The following FCER1A variants were observed in gnomAD, a reference collection of about 807,000 sequenced individuals.
FCER1A encodes the protein Fc epsilon receptor Ia.
In FCER1A, 24 loss-of-function variants were observed where a neutral mutation model predicts 23.6. That is an observed-to-expected ratio of 1.02 (90% CI 0.74 to 1.43). FCER1A has a LOEUF of 1.43. FCER1A is among the 40% of genes most tolerant of loss of function. FCER1A has a pLI of 0.00. For synonymous variants in FCER1A, 121 were observed against 108.8 expected (o/e 1.11, Z -0.70); for missense variants, 318 against 294.5 (o/e 1.08, Z -0.58).
chr1:159,308,096 AG>A lies in FCER1A; in HGVS notation c.*165del, dbSNP rs1245660802. On this transcript the variant is annotated 3_prime_UTR_variant, in exon 5 of 5. Coordinates refer to ENST00000693622, the MANE Select transcript of FCER1A (RefSeq NM_001387280.1). ...TGAAACTGGTTAAGTGGCATGTAATAGTAAGTGCTCAATTAACATTGGTTGA... is the reference window on the plus strand; with the variant it reads ...TGAAACTGGTTAAGTGGCATGTAATATAAGTGCTCAATTAACATTGGTTGA... The A allele has an allele frequency of 1.4e-5, 7 of 496,296 alleles. No homozygotes were observed. The East Asian group carries it at 2.0e-4, about 14-fold the overall frequency. 30.7% of individuals were successfully genotyped at this position (496,296 alleles called of 1,614,324 possible).
upstream of FCER1A, among the ~76,000 whole-genome samples, chr1:159,301,114 A>C (rs866941552): frequency 6.6e-6 from 1 of 152,200 alleles, no homozygotes; most frequent in Non-Finnish European, 1.5e-5. Context: ...CATTCAATAG[A>C]CTTAATTCAG....
chr1:159,286,221 T>G (rs984111729), upstream of FCER1A, among the ~76,000 whole-genome samples: 5 of 150,264 alleles, frequency 3.3e-5, no homozygotes, highest in African/African-American at 4.9e-5. Flanking sequence ...TAAATAAAAT[T>G]TAAATGCATG....
At chr1:159,306,268 A>G (rs757786090) in intron 4 of FCER1A, 23 bp downstream of exon 4, 3 of 1,608,794 alleles carry the variant, frequency 1.9e-6, no homozygotes, top group Non-Finnish European at 1.7e-6. Flanking sequence ...AGGAAAGGAA[A>G]AGCATCCATA....
chr1:159,296,275 C>T (rs567363206), intron 1 of FCER1A, among the ~76,000 whole-genome samples: 1 of 152,170 alleles, frequency 6.6e-6, no homozygotes, highest in East Asian at 1.9e-4. Context: ...ACCTCTGCTA[C>T]TTACACACAC....
chr1:159,297,874 C>CA (rs1652336018), upstream of FCER1A, among the ~76,000 whole-genome samples: 1 of 151,740 alleles, frequency 6.6e-6, no homozygotes, highest in Admixed American at 6.6e-5. Flanking sequence ...AACCCAGTCT[C>CA]AAAAAAAATT....
intron 1 of FCER1A, 139 bp from the exon 2 acceptor site, chr1:159,302,715 C>T: frequency 1.2e-6 from 1 of 805,682 alleles, no homozygotes; most frequent in Non-Finnish European, 2.1e-6. Flanking sequence ...GCTCTTTCTT[C>T]CCCTGATTCT....
upstream of FCER1A, among the ~76,000 whole-genome samples, chr1:159,299,411 C>A (rs1216351252): frequency 6.6e-6 from 1 of 152,198 alleles, no homozygotes; most frequent in African/African-American, 2.4e-5. Context: ...CTCTGCCAGG[C>A]ACGTCCCGAA....
At chr1:159,299,067 G>A (rs531049350), upstream of FCER1A, among the ~76,000 whole-genome samples, 1 of 152,282 alleles carries the variant, frequency 6.6e-6, no homozygotes, top group Admixed American at 6.5e-5. Flanking sequence ...TGTGTGCCCT[G>A]GGACAAGTTA....
At chr1:159,297,090 T>C (rs1022707955) in intron 1 of FCER1A, among the ~76,000 whole-genome samples, 1 of 152,196 alleles carries the variant, frequency 6.6e-6, no homozygotes, top group Non-Finnish European at 1.5e-5. Context: ...GTTTTGAAAC[T>C]GTGTAATTCT....
chr1:159,297,211 T>G (rs1447336100), intron 1 of FCER1A, among the ~76,000 whole-genome samples: 1 of 152,108 alleles, frequency 6.6e-6, no homozygotes, highest in Non-Finnish European at 1.5e-5. Context: ...TCTTCAAACT[T>G]CCTAACGCCA....
chr1:159,289,302 C>T (rs374010669), upstream of FCER1A, among the ~76,000 whole-genome samples: 1 of 152,296 alleles, frequency 6.6e-6, no homozygotes, highest in Admixed American at 6.5e-5. Flanking sequence ...GCAGTCACTG[C>T]TCTTTAGAAG....
chr1:159,307,850 C>T lies in FCER1A; in HGVS notation c.692C>T (p.Thr231Ile), dbSNP rs371852080. 6.2e-6 allele frequency: 10 copies of T among 1,613,406 alleles called. No individual in the cohort carries two copies. The highest frequency in any genetic ancestry group is 1.3e-5 in the African/African-American group (1 of 74,928). The change falls in exon 5 of 5, where the codon ACA (threonine) becomes ATA (isoleucine). Residue 231 changes from threonine (T) to isoleucine (I), a missense_variant. Transcript: ENST00000693622. ...TTTATCTCAACTCAGCAGCAGGTCA[C>T]ATTTCTCTTGAAGATTAAGAGAACC... ...GLFISTQQQV[T>I]FLLKIKRTRK...
upstream of FCER1A, among the ~76,000 whole-genome samples, chr1:159,286,588 T>C (rs1652026227): frequency 6.6e-6 from 1 of 152,308 alleles, no homozygotes; most frequent in East Asian, 1.9e-4. Flanking sequence ...CGCCTTGGCC[T>C]CCCAAAGTGC....
upstream of FCER1A, among the ~76,000 whole-genome samples, chr1:159,285,871 A>T (rs559870979): frequency 2.6e-5 from 4 of 152,258 alleles, no homozygotes; most frequent in Non-Finnish European, 5.9e-5. Context: ...AATACAAACA[A>T]TTATTATTTG....
chr1:159,301,753 T>G (rs1219206083), upstream of FCER1A, among the ~76,000 whole-genome samples: 1 of 152,222 alleles, frequency 6.6e-6, no homozygotes, highest in Non-Finnish European at 1.5e-5. Flanking sequence ...CCTGAATATG[T>G]ATAAACAGTA....
Position 159,307,779 on chromosome 1 carries a change from T to C in FCER1A, c.621T>C (p.Phe207=). The C allele has an allele frequency of 2.5e-6, 4 of 1,611,832 alleles. No homozygotes were observed. Among genetic ancestry groups the C allele is most frequent in the Non-Finnish European group, 3.4e-6 (4 of 1,178,206 alleles). ...GTGAGAAGTACTGGCTACAATTTTTTATCCCATTGTTGGTGGTGATTCTGT... is the reference window on the plus strand; with the variant it reads ...GTGAGAAGTACTGGCTACAATTTTTCATCCCATTGTTGGTGGTGATTCTGT... The part of the protein sequence containing the change: ...APREKYWLQF[F]IPLLVVILFA... Residue 207 remains phenylalanine, a synonymous_variant, in exon 5 of 5, where the codon TTT becomes TTC. Coordinates refer to ENST00000693622, the MANE Select transcript of FCER1A (RefSeq NM_001387280.1).
chr1:159,291,707 C>A (rs183466951), intron 1 of FCER1A, among the ~76,000 whole-genome samples: 1 of 152,202 alleles, frequency 6.6e-6, no homozygotes, highest in East Asian at 1.9e-4. Context: ...AAACAAGAAT[C>A]CTCCCTTAAC....
Position 159,302,430 on chromosome 1 carries a change from A to G in FCER1A, c.55+11A>G. ...CCTTACTGTTCTTCGGTAAGTAGAG[A>G]TTCAATTACCCCTCCCAGGGAGGCC... On this transcript the variant is annotated intron_variant, in intron 1 of 4. Coordinates refer to ENST00000693622, the MANE Select transcript of FCER1A (RefSeq NM_001387280.1). 1 of 1,583,592 alleles carries G rather than the reference A, an allele frequency of 6.3e-7. No individual in the cohort carries two copies. Among genetic ancestry groups the G allele is most frequent in the Non-Finnish European group, 8.7e-7 (1 of 1,152,086 alleles).
Position 159,304,150 on chromosome 1 carries a change from A to T in FCER1A, c.299A>T (p.Glu100Val). 1 of 1,613,872 alleles carries T rather than the reference A, an allele frequency of 6.2e-7. No individual in the cohort carries two copies. Among genetic ancestry groups the T allele is most frequent in the East Asian group, 2.2e-5 (1 of 44,878 alleles). Residue 100 changes from glutamate to valine, a missense_variant, in exon 3 of 5, where the codon GAG becomes GTG. Coordinates refer to ENST00000693622, the MANE Select transcript of FCER1A (RefSeq NM_001387280.1). Reference sequence around the variant, plus strand: ...AAATGTCAGCACCAACAAGTTAATGAGAGTGAACCTGTGTACCTGGAAGTC... The same window carrying T: ...AAATGTCAGCACCAACAAGTTAATGTGAGTGAACCTGTGTACCTGGAAGTC... ...EYKCQHQQVN[E>V]SEPVYLEVFS...
Sources: allele counts gnomAD v4.1 joint callset (sites outside exome capture counted in the v4.1 genomes callset), GRCh38; gene constraint gnomAD v4.1.1; transcripts MANE v1.5; gene names NCBI Gene and HGNC (gene_info 2026-07-23, HGNC 2026-07-21).